Variants in IFT140 observed in about 807,000 individuals in gnomAD.
IFT140 encodes intraflagellar transport 140, also known as intraflagellar transport protein 140 homolog.
A neutral mutation model predicts 164.6 loss-of-function variants in IFT140; 133 were observed. The ratio of observed to expected loss-of-function variants is 0.81; its 90% CI spans 0.70 to 0.93. The LOEUF (loss-of-function observed/expected upper bound fraction) is 0.93. IFT140 is among the 40% of genes least tolerant of loss of function. The pLI is 0.00. For missense variants in IFT140, 2,045 were observed against 1,972.3 expected (o/e 1.04, Z -0.70); for synonymous variants, 860 against 817.3 (o/e 1.05, Z -0.89).
At chr16:1,599,065 C>T (rs964027561) in intron 4 of IFT140, among the ~76,000 whole-genome samples, 6 of 91,522 alleles carry the variant, frequency 6.6e-5, no homozygotes, top group South Asian at 4.6e-4. Flanking sequence ...TCTGCCCCGC[C>T]GCCCCATCTG....
At chr16:1,607,064 C>T (rs1425488335) in intron 3 of IFT140, 56 bp downstream of exon 3, 10 of 1,580,576 alleles carry the variant, frequency 6.3e-6, no homozygotes, top group Middle Eastern at 3.4e-4. Context: ...AACAGCAACA[C>T]AAACAACATG....
chr16:1,590,400 T>G (rs955036379), intron 6 of IFT140, among the ~76,000 whole-genome samples: 23 of 151,796 alleles, frequency 1.5e-4, no homozygotes, highest in African/African-American at 5.6e-4. Flanking sequence ...CCTCATACCC[T>G]CCACACGCTG....
chr16:1,575,302 G>T (rs977853264), intron 13 of IFT140, among the ~76,000 whole-genome samples: 1 of 152,090 alleles, frequency 6.6e-6, no homozygotes, highest in African/African-American at 2.4e-5. Flanking sequence ...TTGACCCCAG[G>T]AGTTTGAGGC....
intron 12 of IFT140, among the ~76,000 whole-genome samples, chr16:1,581,926 G>C (rs896522365): frequency 6.6e-6 from 1 of 152,052 alleles, no homozygotes; most frequent in Non-Finnish European, 1.5e-5. Context: ...AAAAAAAAAT[G>C]TGGGAAAGAT....
chr16:1,560,315 G>A (rs1416275481), intron 18 of IFT140, among the ~76,000 whole-genome samples: 1 of 152,222 alleles, frequency 6.6e-6, no homozygotes, highest in African/African-American at 2.4e-5. Context: ...GCCGGCCTCT[G>A]CTGGCTGTGC....
chr16:1,549,437 G>A (rs2032454011), intron 19 of IFT140, among the ~76,000 whole-genome samples: 1 of 152,200 alleles, frequency 6.6e-6, no homozygotes, highest in Non-Finnish European at 1.5e-5. Flanking sequence ...TTCTTTCTTT[G>A]TTTTTTGAGA....
intron 14 of IFT140, among the ~76,000 whole-genome samples, chr16:1,569,268 A>T (rs1471961829): frequency 6.6e-6 from 1 of 151,952 alleles, no homozygotes; most frequent in Admixed American, 6.6e-5. Flanking sequence ...TCAGCCTCCC[A>T]AAGTGTTGGG....
intron 19 of IFT140, among the ~76,000 whole-genome samples, chr16:1,539,005 G>A (rs971513691): frequency 6.7e-6 from 1 of 149,462 alleles, no homozygotes; most frequent in African/African-American, 2.5e-5. Context: ...ACGGTGCCAC[G>A]CGGCCCCCCA....
chr16:1,608,488 C>T (rs910797307), intron 2 of IFT140, among the ~76,000 whole-genome samples: 2 of 152,052 alleles, frequency 1.3e-5, no homozygotes, highest in Admixed American at 1.3e-4. Flanking sequence ...AAAAGGTTAT[C>T]CAGGTGTGGT....
intron 19 of IFT140, among the ~76,000 whole-genome samples, chr16:1,546,437 C>G (rs987892002): frequency 6.6e-6 from 1 of 152,184 alleles, no homozygotes; most frequent in African/African-American, 2.4e-5. Context: ...CCTGGACGAG[C>G]CCCCCTTCCC....
chr16:1,521,951 G>A (rs1043590690), intron 26 of IFT140, among the ~76,000 whole-genome samples: 1 of 151,796 alleles, frequency 6.6e-6, no homozygotes, highest in African/African-American at 2.4e-5. Context: ...GGCTGAGCAT[G>A]GTGGCTCACA....
At chr16:1,524,204 G>A (rs897050029) in intron 24 of IFT140, 5 of 621,560 alleles carry the variant, frequency 8.0e-6, no homozygotes, top group East Asian at 2.9e-5. Flanking sequence ...TTCTGGAAGC[G>A]AGAGCCCAGG....
At chr16:1,605,303 C>T (rs1360763234) in intron 3 of IFT140, among the ~76,000 whole-genome samples, 1 of 152,168 alleles carries the variant, frequency 6.6e-6, no homozygotes, top group Admixed American at 6.5e-5. Context: ...GGGGGTGACA[C>T]CTAGAAGCAA....
At chr16:1,563,269 CAGG>C (rs1327913442) in intron 17 of IFT140, among the ~76,000 whole-genome samples, 1 of 151,862 alleles carries the variant, frequency 6.6e-6, no homozygotes, top group Non-Finnish European at 1.5e-5. Context: ...CTTCTGAACT[CAGG>C]GTATCAACAC....
intron 24 of IFT140, chr16:1,524,224 T>A: frequency 1.6e-6 from 1 of 611,582 alleles, no homozygotes; most frequent in Admixed American, 3.1e-5. Flanking sequence ...GTTGGGACAT[T>A]TGTGTGGTGC....
intron 26 of IFT140, 35 bp from the exon 27 acceptor site, chr16:1,520,843 G>A (rs1477109885): frequency 6.3e-7 from 1 of 1,579,892 alleles, no homozygotes; most frequent in African/African-American, 1.3e-5. Flanking sequence ...GGGCTGCCGA[G>A]GGGGCCGGGA....
intron 3 of IFT140, among the ~76,000 whole-genome samples, chr16:1,605,566 C>T (rs1284345384): frequency 3.3e-5 from 5 of 152,006 alleles, no homozygotes; most frequent in Admixed American, 6.5e-5. Context: ...CCACCACGCC[C>T]GGCTAATTCT....
At chr16:1,607,098 C>A (rs1266330990) in intron 3 of IFT140, 22 bp downstream of exon 3, 1 of 1,611,674 alleles carries the variant, frequency 6.2e-7, no homozygotes, top group Non-Finnish European at 8.5e-7. Flanking sequence ...CACAGTCAGG[C>A]TCCTTGCTTC....
chr16:1,575,614 T>C (rs985339743), intron 13 of IFT140, among the ~76,000 whole-genome samples: 1 of 152,148 alleles, frequency 6.6e-6, no homozygotes, highest in Non-Finnish European at 1.5e-5. Flanking sequence ...TGGCAACTGT[T>C]GTTAGGTATC....
Sources: allele counts gnomAD v4.1 joint callset (sites outside exome capture counted in the v4.1 genomes callset), GRCh38; gene constraint gnomAD v4.1.1; transcripts MANE v1.5; gene names NCBI Gene and HGNC (gene_info 2026-07-23, HGNC 2026-07-21).